Variants in SPATA25 observed in about 807,000 individuals in gnomAD.
SPATA25 encodes spermatogenesis associated 25, also known as spermatogenesis-associated protein 25.
SPATA25 carries 16 observed loss-of-function variants against 16.0 expected under a neutral mutation model. The observed-to-expected ratio is 1.00, with a 90% confidence interval of 0.68 to 1.52. The LOEUF (loss-of-function observed/expected upper bound fraction) is 1.52, where lower values mean the gene tolerates loss of function less well. Among genes scored for constraint, SPATA25 ranks in the 40% most tolerant of loss-of-function variants. SPATA25 has a pLI of 0.00. For synonymous variants in SPATA25, 115 were observed against 118.5 expected, an observed-to-expected ratio of 0.97 and a Z score of 0.19; for missense variants, 285 against 289.2, an observed-to-expected ratio of 0.99 and a Z score of 0.11.
chr20:45,887,233 G>T (rs900742060), intron 1 of SPATA25, 88 bp from the exon 2 acceptor site: 2 of 1,473,854 alleles, frequency 1.4e-6, no homozygotes, highest in Non-Finnish European at 1.8e-6. Context: ...AGAGCTTGGG[G>T]GCGTAACTAA....
upstream of SPATA25, chr20:45,890,296 C>T: frequency 1.2e-6 from 2 of 1,613,482 alleles, no homozygotes; most frequent in Non-Finnish European, 1.7e-6. Context: ...TGGAAGCAAA[C>T]ACGTCCACCA....
At chr20:45,888,317 A>G (rs1986558438), upstream of SPATA25, among the ~76,000 whole-genome samples, 1 of 152,134 alleles carries the variant, frequency 6.6e-6, no homozygotes, top group South Asian at 2.1e-4. Context: ...GTATTTTTCA[A>G]AATTCCTCAA....
chr20:45,890,532 T>G (rs766414314), upstream of SPATA25: 3 of 1,607,324 alleles, frequency 1.9e-6, no homozygotes, highest in Non-Finnish European at 2.5e-6. Context: ...TCCCGGGGAA[T>G]GCGAAACTGC....
rs1412533997 is a variant in SPATA25, at chr20:45,886,604, C to T, written c.597G>A (p.Arg199=). ...PEPEGAVEGA[R]WEQAHAHTAS... is the part of the protein sequence containing the mutation. ...CTGTGTGGGCATGTGCCTGCTCCCA[C>T]CGCGCCCCCTCCACAGCACCCTCTG... Residue 199 remains arginine (R), a synonymous_variant, in exon 2 of 2, where the codon CGG becomes CGA. Coordinates refer to ENST00000372519, the MANE Select transcript of SPATA25 (RefSeq NM_080608.4). 1 of 1,613,856 alleles carries T rather than the reference C, an allele frequency of 6.2e-7. No homozygotes were observed. Among genetic ancestry groups the T allele is most frequent in the East Asian group, 2.2e-5 (1 of 44,870 alleles).
chr20:45,886,775 C>A lies in SPATA25; in HGVS notation c.426G>T (p.Val142=). The change falls in exon 2 of 2, where the codon GTG becomes GTT. Residue 142 remains valine (V), a synonymous_variant. Coordinates refer to ENST00000372519, the MANE Select transcript of SPATA25 (RefSeq NM_080608.4). ...CAGGCTGGGAGCTGGCCTCCTTCCC[C>A]ACTGCCTCAGAGGGTACCGGTAGAA... ...PRVLPVPSEA[V]GKEASSQPDI... 6.2e-7 allele frequency: 1 copy of A among 1,614,016 alleles called. No homozygotes were observed. The highest frequency in any genetic ancestry group is 1.1e-5 in the South Asian group (1 of 91,084).
chr20:45,887,247 C>T, intron 1 of SPATA25, 102 bp from the exon 2 acceptor site: 1 of 1,392,176 alleles, frequency 7.2e-7, no homozygotes, highest in Non-Finnish European at 9.6e-7. Flanking sequence ...TAACTAAGAC[C>T]AGCCCCAGCG....
At position 45,887,256 on chromosome 20, in the gene SPATA25, C is replaced by T. The variant is rs535649672; in HGVS notation, c.56-111G>A. 91 of 1,335,662 alleles carry T rather than the reference C, an allele frequency of 6.8e-5. 1 individual carries two copies. In the South Asian group the frequency reaches 8.4e-4, roughly 12 times the overall value. The allele number at this position is 1,335,662 out of a possible 1,614,324, so 82.7% of individuals were successfully genotyped here. ...GGGGCGTAACTAAGACCAGCCCCAG[C>T]GGACTGTCTAGAGGTTGGGAACTAG... On this transcript the variant is annotated intron_variant, in intron 1 of 1. Coordinates refer to ENST00000372519, the MANE Select transcript of SPATA25 (RefSeq NM_080608.4).
chr20:45,890,806 C>G (rs772296659), upstream of SPATA25: 26 of 1,592,158 alleles, frequency 1.6e-5, no homozygotes, highest in Non-Finnish European at 1.9e-5. Context: ...AGACCTGGCC[C>G]GGGGCCAGCG....
chr20:45,890,873 C>T (rs1986769161), upstream of SPATA25: 1 of 1,569,326 alleles, frequency 6.4e-7, no homozygotes, highest in African/African-American at 1.4e-5. Flanking sequence ...GGCCCGCGTC[C>T]CAGAGGGGTC....
At chr20:45,890,355 T>A (rs762625310), upstream of SPATA25, 22 of 1,612,796 alleles carry the variant, frequency 1.4e-5, no homozygotes, top group Non-Finnish European at 1.8e-5. Flanking sequence ...CTCGGGCCCA[T>A]GTCCTCGCCG....
Position 45,886,736 on chromosome 20 carries a change from G to C in SPATA25, c.465C>G (p.Leu155=). 1 of 1,614,130 alleles carries C rather than the reference G, an allele frequency of 6.2e-7. No homozygotes were observed. Among genetic ancestry groups the C allele is most frequent in the Non-Finnish European group, 8.5e-7 (1 of 1,180,048 alleles). ...EASSQPDICI[L]TLAMMIAGIP... The stretch of plus-strand genomic sequence containing the variant: ...TGCCAGCGATCATCATGGCGAGGGT[G>C]AGGATGCAGATATCAGGCTGGGAGC... Residue 155 remains leucine, a synonymous_variant, in exon 2 of 2, where the codon CTC becomes CTG. Transcript: ENST00000372519.
rs753265508 is a variant in SPATA25, at chr20:45,887,158, G to A, written c.56-13C>T. The A allele has an allele frequency of 6.4e-7, 1 of 1,569,378 alleles. No homozygotes were observed. The highest frequency in any genetic ancestry group is 1.1e-5 in the South Asian group (1 of 88,944). On this transcript the variant is annotated splice_polypyrimidine_tract_variant and intron_variant, in intron 1 of 1. Transcript: ENST00000372519. ...GAAGCAGCCCCACCTGCAGAGACAG[G>A]AATGAAATGGAACGTTATTCTCAGT...
Position 45,886,888 on chromosome 20 carries a change from C to A in SPATA25, c.313G>T (p.Asp105Tyr). The change falls in exon 2 of 2, where the codon GAC becomes TAC. Residue 105 changes from aspartate (D) to tyrosine (Y), a missense_variant. Asp to Tyr is a radical substitution (Grantham distance 160). Transcript: ENST00000372519. Reference sequence around the variant, plus strand: ...GCTCTGCTTCTGGAGTAGCCATTGTCCCAGCCCAAGCTCTCCAGCTGCCTC... The same window carrying A: ...GCTCTGCTTCTGGAGTAGCCATTGTACCAGCCCAAGCTCTCCAGCTGCCTC... ...HVRQLESLGW[D>Y]NGYSRSRAPD... 6.2e-7 allele frequency: 1 copy of A among 1,614,156 alleles called. No homozygotes were observed.
upstream of SPATA25, chr20:45,890,107 A>G: frequency 1.2e-6 from 1 of 868,004 alleles, no homozygotes; most frequent in Non-Finnish European, 1.8e-6. Context: ...CAAGATCACA[A>G]GCAGAGGTGC....
Position 45,887,019 on chromosome 20 carries a change from C to A in SPATA25, c.182G>T (p.Trp61Leu), listed in dbSNP as rs1448979758. 1.2e-6 allele frequency: 2 copies of A among 1,612,904 alleles called. No individual in the cohort carries two copies. The highest frequency in any genetic ancestry group is 2.7e-5 in the African/African-American group (2 of 74,938). ...AEQVAPAAQA[W>L]GPALAMPQAR... ...TTGTGGCATTGCCAGGGCTGGGCCC[C>A]AGGCCTGGGCAGCAGGTGCCACCTG... The change falls in exon 2 of 2, where the codon TGG becomes TTG. Residue 61 changes from tryptophan to leucine, a missense_variant. Physicochemically the swap from Trp to Leu is moderately conservative, Grantham distance 61 (BLOSUM62 -2). Transcript: ENST00000372519.
At chr20:45,890,347 C>T (rs1364077485), upstream of SPATA25, 1 of 1,613,012 alleles carries the variant, frequency 6.2e-7, no homozygotes, top group East Asian at 2.2e-5. Flanking sequence ...CCCGGGCGCT[C>T]GGGCCCATGT....
chr20:45,890,327 G>T (rs746401969), upstream of SPATA25: 4 of 1,613,268 alleles, frequency 2.5e-6, no homozygotes. Flanking sequence ...GGGCTGCGCA[G>T]CTGGCAGTCC....
chr20:45,890,592 C>T, upstream of SPATA25: 1 of 1,612,286 alleles, frequency 6.2e-7, no homozygotes, highest in Non-Finnish European at 8.5e-7. Flanking sequence ...CGGCTGGGGG[C>T]CGCTGCCTCC....
upstream of SPATA25, chr20:45,890,884 C>T (rs1288447193): frequency 6.4e-7 from 1 of 1,567,852 alleles, no homozygotes; most frequent in Non-Finnish European, 8.7e-7. Flanking sequence ...CAGAGGGGTC[C>T]ACGCGGATGT....
Sources: gnomAD v4.1 joint callset for allele counts (sites outside exome capture counted in the v4.1 genomes callset) on GRCh38, gnomAD v4.1.1 for gene constraint, MANE v1.5 for transcripts, NCBI Gene and HGNC (gene_info 2026-07-23, HGNC 2026-07-21) for gene names.